The following SLTM variants were observed in gnomAD, a reference collection of about 807,000 sequenced individuals.
SLTM encodes the protein SAFB-like transcription modulator.
A neutral mutation model predicts 134.6 loss-of-function variants in SLTM; 43 were observed. That is an observed-to-expected ratio of 0.32 (90% CI 0.25 to 0.41). SLTM has a LOEUF of 0.41. Among genes scored for constraint, SLTM ranks in the 10% least tolerant of loss-of-function variants. The pLI is 1.00. For synonymous variants in SLTM, 424 were observed against 432.3 expected, an observed-to-expected ratio of 0.98 and a Z score of 0.24; for missense variants, 1,055 against 1,288.8, an observed-to-expected ratio of 0.82 and a Z score of 2.78.
chr15:58,888,381 C>T lies in SLTM; in HGVS notation c.2375+4G>A, dbSNP rs373017189. On this transcript the variant is annotated splice_donor_region_variant and intron_variant, in intron 17 of 20. Coordinates refer to ENST00000380516, the MANE Select transcript of SLTM (RefSeq NM_024755.4). ...ATAAATATAACAATTTTCAACATAT[C>T]TACCTTTCAAAAGATGAAGACTGTA... is the stretch of plus-strand genomic sequence containing the variant. The T allele has an allele frequency of 3.8e-6, 6 of 1,582,652 alleles. No individual in the cohort carries two copies. In the African/African-American group the frequency reaches 8.3e-5, roughly 22 times the overall value.
chr15:58,893,506 A>C, intron 12 of SLTM, 142 bp from the exon 13 acceptor site: 1 of 654,844 alleles, frequency 1.5e-6, no homozygotes, highest in Non-Finnish European at 2.5e-6. Flanking sequence ...ACTTCAATGC[A>C]AAGAGTTTTT....
intron 20 of SLTM, 106 bp from the exon 21 acceptor site, chr15:58,880,213 C>T: frequency 7.0e-7 from 1 of 1,425,980 alleles, no homozygotes; most frequent in South Asian, 1.4e-5. Flanking sequence ...ATCATTTACT[C>T]TTTTCAACAG....
intron 10 of SLTM, 36 bp downstream of exon 10, chr15:58,894,397 T>G: frequency 6.2e-7 from 1 of 1,611,362 alleles, no homozygotes; most frequent in Non-Finnish European, 8.5e-7. Flanking sequence ...AGCCATCAAA[T>G]TAGACTTGCT....
intron 2 of SLTM, among the ~76,000 whole-genome samples, chr15:58,918,000 C>T (rs147363882): frequency 4.0e-5 from 6 of 151,832 alleles, no homozygotes; most frequent in East Asian, 3.9e-4. Flanking sequence ...GTGATCTGCC[C>T]GCCTTAGCCT....
chr15:58,902,915 T>G (rs2035590551), intron 5 of SLTM, among the ~76,000 whole-genome samples: 1 of 151,650 alleles, frequency 6.6e-6, no homozygotes, highest in Non-Finnish European at 1.5e-5. Context: ...TATTTTTTAT[T>G]TTTTGAGACA....
At chr15:58,890,951 T>C (rs1347016648) in intron 14 of SLTM, among the ~76,000 whole-genome samples, 1 of 152,236 alleles carries the variant, frequency 6.6e-6, no homozygotes, top group African/African-American at 2.4e-5. Context: ...CAAAATGGTG[T>C]CCTTAAGGGC....
At chr15:58,927,716 C>A (rs1398083106) in intron 2 of SLTM, among the ~76,000 whole-genome samples, 2 of 152,178 alleles carry the variant, frequency 1.3e-5, no homozygotes, top group Non-Finnish European at 2.9e-5. Flanking sequence ...TATGTCCTGG[C>A]CTTCAGAGCT....
At chr15:58,904,759 G>A (rs1286080653) in intron 5 of SLTM, among the ~76,000 whole-genome samples, 4 of 152,080 alleles carry the variant, frequency 2.6e-5, no homozygotes, top group African/African-American at 7.2e-5. Context: ...TTCCCAGGCT[G>A]GAGTGCAGTG....
At chr15:58,920,661 AT>A (rs2036974762) in intron 2 of SLTM, among the ~76,000 whole-genome samples, 1 of 150,578 alleles carries the variant, frequency 6.6e-6, no homozygotes. Flanking sequence ...AAATAAATAA[AT>A]AAAAATTTTT....
chr15:58,922,030 T>G (rs1307646303), intron 2 of SLTM, among the ~76,000 whole-genome samples: 2 of 152,074 alleles, frequency 1.3e-5, no homozygotes, highest in African/African-American at 4.8e-5. Flanking sequence ...TTGTAATTTC[T>G]TATTTTGTGA....
rs746670928 is a variant in SLTM, at chr15:58,886,964, G to A, written c.2835+11C>T. 6 of 1,611,728 alleles carry A rather than the reference G, an allele frequency of 3.7e-6. No homozygotes were observed. Among genetic ancestry groups the A allele is most frequent in the East Asian group, 2.2e-5 (1 of 44,884 alleles). On this transcript the variant is annotated intron_variant, in intron 19 of 20. Coordinates refer to ENST00000380516, the MANE Select transcript of SLTM (RefSeq NM_024755.4). The stretch of plus-strand genomic sequence containing the variant: ...TGTGCAGGCTCGCGGCAAGCCTCCC[G>A]CAGCACTTACCTGTGATCCACCTCC...
In SLTM at chr15:58,880,002, G is replaced by A. The variant is rs2033564855; in HGVS notation, c.3102C>T (p.Phe1034=). The A allele has an allele frequency of 1.2e-6, 2 of 1,613,040 alleles. No individual in the cohort carries two copies. Among genetic ancestry groups the A allele is most frequent in the Non-Finnish European group, 1.7e-6 (2 of 1,179,632 alleles). The part of the protein sequence containing the change: ...KPFKGGPPRR[F] ...AACCTTGGCAGAGAGCTCATTTTCA[G>A]AATCGTCGCGGAGGTCCACCCTTAA... Residue 1034 remains phenylalanine, a synonymous_variant, in exon 21 of 21, where the codon TTC becomes TTT. Coordinates refer to ENST00000380516, the MANE Select transcript of SLTM (RefSeq NM_024755.4).
At chr15:58,886,472 G>A (rs1327203760) in intron 19 of SLTM, among the ~76,000 whole-genome samples, 4 of 151,978 alleles carry the variant, frequency 2.6e-5, no homozygotes, top group Admixed American at 2.6e-4. Flanking sequence ...TCACCATGTT[G>A]CCCAGGCTAG....
intron 5 of SLTM, among the ~76,000 whole-genome samples, chr15:58,907,556 G>A (rs1206138490): frequency 6.6e-6 from 1 of 152,160 alleles, no homozygotes; most frequent in Admixed American, 6.5e-5. Context: ...AGGAGGTCAA[G>A]GCTGCAGTCA....
Position 58,899,389 on chromosome 15 carries a change from G to A in SLTM, c.1058+80C>T. On this transcript the variant is annotated intron_variant, in intron 7 of 20. Transcript: ENST00000380516. The surrounding 1 kb of genome is among the most constrained non-coding windows in gnomAD (Gnocchi z 5.0). Reference sequence around the variant, plus strand: ...GACACTAATTACTGTACATGTTCTTGAAGCCACCCCCTTAATGTAGAGTGA... The same window carrying A: ...GACACTAATTACTGTACATGTTCTTAAAGCCACCCCCTTAATGTAGAGTGA... 1 of 1,156,482 alleles carries A rather than the reference G, an allele frequency of 8.6e-7. No individual in the cohort carries two copies. 71.6% of individuals were successfully genotyped at this position (1,156,482 alleles called of 1,614,324 possible).
chr15:58,923,020 T>A (rs141308329), intron 2 of SLTM, among the ~76,000 whole-genome samples: 1 of 152,194 alleles, frequency 6.6e-6, no homozygotes, highest in African/African-American at 2.4e-5. Context: ...CTAGCCGCAT[T>A]ATATATTTTC....
At chr15:58,889,684 A>C in intron 15 of SLTM, 130 bp from the exon 16 acceptor site, 1 of 1,036,940 alleles carries the variant, frequency 9.6e-7, no homozygotes. Flanking sequence ...ACACAAACCT[A>C]TGACACCTAA....
chr15:58,906,331 A>T (rs1013851240), intron 5 of SLTM, among the ~76,000 whole-genome samples: 4 of 152,208 alleles, frequency 2.6e-5, no homozygotes, highest in East Asian at 1.9e-4. Context: ...TGAAAAAAAA[A>T]TTTCACATAT....
intron 5 of SLTM, among the ~76,000 whole-genome samples, chr15:58,909,988 C>A (rs1452609421): frequency 6.6e-6 from 1 of 152,150 alleles, no homozygotes; most frequent in Non-Finnish European, 1.5e-5. Flanking sequence ...TCACAACATA[C>A]AGATCTTACT....
Sources: gnomAD v4.1 joint callset for allele counts (sites outside exome capture counted in the v4.1 genomes callset) on GRCh38, gnomAD v4.1.1 for gene constraint, Gnocchi (gnomAD v3.1) non-coding constraint, MANE v1.5 for transcripts, NCBI Gene and HGNC (gene_info 2026-07-23, HGNC 2026-07-21) for gene names.